The following MYCBP2 variants were observed in gnomAD, a reference collection of about 807,000 sequenced individuals.
The protein encoded by MYCBP2 is MYC binding protein 2.
A neutral mutation model predicts 525.3 loss-of-function variants in MYCBP2; 120 were observed. That is an observed-to-expected ratio of 0.23 (90% CI 0.20 to 0.27). MYCBP2 has a LOEUF of 0.27. Ranked by LOEUF, MYCBP2 falls within the 10% of genes least tolerant of loss-of-function variation. The pLI, the probability that MYCBP2 is intolerant of heterozygous loss-of-function variation, is 1.00. For missense variants in MYCBP2, 4,149 were observed against 5,657.1 expected (o/e 0.73, Z 8.55); for synonymous variants, 1,894 against 1,955.8 (o/e 0.97, Z 0.83).
chr13:77,081,467 C>G lies in MYCBP2; in HGVS notation c.11378G>C (p.Arg3793Pro), dbSNP rs775516359. 1 of 1,612,506 alleles carries G rather than the reference C, an allele frequency of 6.2e-7. No homozygotes were observed. The highest frequency in any genetic ancestry group is 8.5e-7 in the Non-Finnish European group (1 of 1,179,796). ...TINCVKGINA[R>P]YVSVHVDNSR... ...ATTGTCCACGTGAACAGACACATAGCGGGCATTGATTCCTTTTACACAGTT... is the reference window on the plus strand; with the variant it reads ...ATTGTCCACGTGAACAGACACATAGGGGGCATTGATTCCTTTTACACAGTT... Residue 3793 changes from arginine (R) to proline (P), a missense_variant, in exon 65 of 83, where the codon CGC (arginine) becomes CCC (proline). Arg to Pro is a moderately radical substitution (Grantham distance 103, BLOSUM62 -2). Around this residue, in one of 21 missense-constraint regions of MYCBP2, gnomAD observed 509 missense variants for 789.4 expected, o/e 0.64. Transcript: ENST00000544440. This position sits in a 1 kb window ranked among gnomAD's most constrained non-coding sequence, Gnocchi z 4.6.
intron 73 of MYCBP2, 28 bp from the exon 74 acceptor site, chr13:77,062,725 C>T (rs1337297059): frequency 1.3e-6 from 2 of 1,580,304 alleles, no homozygotes; most frequent in Non-Finnish European, 1.7e-6. Flanking sequence ...TGTTACACCA[C>T]TGAATTTTTA....
At chr13:77,194,626 T>C (rs2061584185) in intron 26 of MYCBP2, among the ~76,000 whole-genome samples, 1 of 152,172 alleles carries the variant, frequency 6.6e-6, no homozygotes, top group African/African-American at 2.4e-5. Flanking sequence ...TGAGGTAGAA[T>C]GTTGCTTCAT....
chr13:77,275,090 C>G (rs1594563065), intron 4 of MYCBP2, among the ~76,000 whole-genome samples: 1 of 152,198 alleles, frequency 6.6e-6, no homozygotes, highest in African/African-American at 2.4e-5. Context: ...CTCTCACACA[C>G]TGGCAACTAT....
intron 3 of MYCBP2, among the ~76,000 whole-genome samples, chr13:77,281,127 G>C (rs1019111620): frequency 1.2e-4 from 19 of 152,242 alleles, no homozygotes; most frequent in African/African-American, 4.6e-4. Context: ...AAGTCTTATA[G>C]TCAATGAAAA....
At chr13:77,202,510 T>C (rs1231946187) in intron 26 of MYCBP2, among the ~76,000 whole-genome samples, 9 of 151,858 alleles carry the variant, frequency 5.9e-5, no homozygotes, top group South Asian at 2.1e-4. Flanking sequence ...TTCCAATCAA[T>C]AGAAAAAGAG....
chr13:77,070,941 A>G (rs1416744116), intron 68 of MYCBP2, among the ~76,000 whole-genome samples: 1 of 152,164 alleles, frequency 6.6e-6, no homozygotes, highest in Non-Finnish European at 1.5e-5. Context: ...TCCTTTCACA[A>G]ATTTCTTTAA....
intron 65 of MYCBP2, 129 bp from the exon 66 acceptor site, chr13:77,079,018 CA>C: frequency 1.5e-6 from 1 of 683,210 alleles, no homozygotes; most frequent in Non-Finnish European, 2.6e-6. Context: ...TGATTGACCC[CA>C]CCCCATCCCT....
chr13:77,074,012 CT>C (rs56702763), intron 68 of MYCBP2, among the ~76,000 whole-genome samples: 102 of 91,770 alleles, frequency 1.1e-3, no homozygotes, highest in African/African-American at 2.4e-3. Context: ...GCCCCCCCCC[CT>C]TTTTTTTTTA....
intron 8 of MYCBP2, among the ~76,000 whole-genome samples, chr13:77,264,867 GCA>G (rs139975510): frequency 1.7e-3 from 255 of 148,376 alleles, no homozygotes; most frequent in African/African-American, 5.3e-3. Context: ...CAAGTTAAAA[GCA>G]CACACACACA....
chr13:77,157,937 C>G lies in MYCBP2; in HGVS notation c.6770G>C (p.Arg2257Thr). The G allele has an allele frequency of 6.2e-7, 1 of 1,608,900 alleles. No individual in the cohort carries two copies. The highest frequency in any genetic ancestry group is 8.5e-7 in the Non-Finnish European group (1 of 1,178,274). The change falls in exon 45 of 83, where the codon AGG becomes ACG. Residue 2257 changes from arginine (R) to threonine (T), a missense_variant and splice_region_variant. Physicochemically the swap from Arg to Thr is moderately conservative, Grantham distance 71. Transcript: ENST00000544440. ...VPGSSGGRLA[R>T]WLQPDSYADP... ...AGTAAGTAACTTAAAGTACATTTAC[C>G]TTGCAAGCCTTCCACCACTTGATCC...
intron 24 of MYCBP2, among the ~76,000 whole-genome samples, chr13:77,206,227 A>G (rs1002627981): frequency 2.0e-5 from 3 of 151,770 alleles, no homozygotes; most frequent in Non-Finnish European, 4.4e-5. Flanking sequence ...AAGTAATTAA[A>G]TAAGAATGAA....
chr13:77,294,977 T>C (rs1472049739), intron 2 of MYCBP2, among the ~76,000 whole-genome samples: 1 of 152,190 alleles, frequency 6.6e-6, no homozygotes, highest in Non-Finnish European at 1.5e-5. Flanking sequence ...CCGAAAATCC[T>C]ACCCAAGACT....
At chr13:77,172,554 T>C (rs1023376519) in intron 37 of MYCBP2, among the ~76,000 whole-genome samples, 2 of 152,288 alleles carry the variant, frequency 1.3e-5, no homozygotes, top group Non-Finnish European at 2.9e-5. Context: ...TAGAGGCTTA[T>C]TACAGTTAGC....
At chr13:77,164,904 T>C (rs969841044) in intron 42 of MYCBP2, among the ~76,000 whole-genome samples, 2 of 152,224 alleles carry the variant, frequency 1.3e-5, no homozygotes, top group African/African-American at 4.8e-5. Flanking sequence ...TCAGGGCAGG[T>C]ATAACTATAC....
intron 55 of MYCBP2, among the ~76,000 whole-genome samples, chr13:77,117,832 C>T (rs1188634883): frequency 6.6e-6 from 1 of 151,908 alleles, no homozygotes; most frequent in East Asian, 1.9e-4. Flanking sequence ...GAATGAAGGA[C>T]TAGAGCAATC....
At chr13:77,259,330 A>G (rs545053320) in intron 13 of MYCBP2, among the ~76,000 whole-genome samples, 56 of 152,138 alleles carry the variant, frequency 3.7e-4, no homozygotes, top group African/African-American at 1.3e-3. Context: ...CCACTTCCCC[A>G]ATATTTAAGT....
chr13:77,245,266 G>A (rs1055502379), intron 15 of MYCBP2, among the ~76,000 whole-genome samples: 2 of 152,034 alleles, frequency 1.3e-5, no homozygotes, highest in African/African-American at 4.8e-5. Flanking sequence ...TATATACCCA[G>A]AGGATTATAA....
At chr13:77,239,259 T>C (rs1418161219) in intron 17 of MYCBP2, among the ~76,000 whole-genome samples, 1 of 152,134 alleles carries the variant, frequency 6.6e-6, no homozygotes, top group Non-Finnish European at 1.5e-5. Context: ...TTAACACAGG[T>C]AAAAGCCAAT....
rs1185779717 is a variant in MYCBP2, at chr13:77,062,683, G to A, written c.12687C>T (p.Leu4229=). The change falls in exon 74 of 83, where the codon CTC becomes CTT. Residue 4229 remains leucine, a synonymous_variant. Transcript: ENST00000544440. ...CIATTRLWLA[L]ASLCVLDQDH... ...CCTGATCAAGAACACATAGGGATGC[G>A]AGAGCAAGCCAGAGCTGTTGAAAGG... is the stretch of plus-strand genomic sequence containing the variant. 18 of 1,614,014 alleles carry A rather than the reference G, an allele frequency of 1.1e-5. No individual in the cohort carries two copies. The highest frequency in any genetic ancestry group is 1.4e-5 in the Non-Finnish European group (16 of 1,179,984).
Sources: allele counts gnomAD v4.1 joint callset (sites outside exome capture counted in the v4.1 genomes callset), GRCh38; gene constraint gnomAD v4.1.1; regional missense constraint gnomAD v4.1.1; non-coding constraint Gnocchi (gnomAD v3.1); transcripts MANE v1.5; gene names NCBI Gene and HGNC (gene_info 2026-07-23, HGNC 2026-07-21).